The following ERBB4 variants were observed in gnomAD, a reference collection of about 807,000 sequenced individuals.
ERBB4 encodes the protein receptor tyrosine-protein kinase erbB-4.
Under a neutral mutation model 158.0 loss-of-function variants are expected in ERBB4, and 42 were observed. The observed-to-expected ratio is 0.27, with a 90% confidence interval of 0.21 to 0.34. ERBB4 has a LOEUF of 0.34. ERBB4 is among the 10% of genes least tolerant of loss of function. ERBB4 has a pLI of 1.00. For synonymous variants in ERBB4, 583 were observed against 558.7 expected (o/e 1.04, Z -0.61); for missense variants, 1,333 against 1,624.1 (o/e 0.82, Z 3.08).
At chr2:211,403,847 G>C (rs2063094342) in intron 25 of ERBB4, among the ~76,000 whole-genome samples, 1 of 152,124 alleles carries the variant, frequency 6.6e-6, no homozygotes, top group South Asian at 2.1e-4. Flanking sequence ...GCCAGGTATG[G>C]TTTTGAATAC....
In ERBB4 at chr2:212,384,920, T is replaced by TAC. The variant is rs547762352; in HGVS notation, c.82+153527_82+153528dup. 2.3e-3 allele frequency among the ~76,000 whole-genome samples: 288 copies of TAC among 123,716 alleles called. 2 individuals carry two copies. The highest frequency in any genetic ancestry group is 6.6e-3 in the Admixed American group (84 of 12,758). The allele number at this position is 123,716 out of a possible 152,430, so 81.2% of individuals were successfully genotyped here. A position where few individuals can be genotyped will look rare whatever the true frequency, so the allele number is the denominator to read the frequency against. ...ATATATATATATATATATATATATA[T>TAC]ACACACACACACACACTCACACACA... On this transcript the variant is annotated intron_variant, in intron 1 of 27. Transcript: ENST00000342788.
intron 1 of ERBB4, among the ~76,000 whole-genome samples, chr2:212,179,403 T>C (rs573657109): frequency 3.3e-5 from 5 of 149,836 alleles, no homozygotes; most frequent in East Asian, 2.0e-4. Context: ...TAGTAAAGAA[T>C]AGGCTATAGT....
rs1312600143 is a variant in ERBB4 at position 211,427,758 on chromosome 2, C to T, written c.2719+650G>A. On this transcript the variant is annotated intron_variant, in intron 22 of 27. Transcript: ENST00000342788. ...TTTTTGTTTGAATATTTATTGTATT[C>T]AGAGTTATGTTTTTGAAAGTTGCTT... 2.0e-5 allele frequency among the ~76,000 whole-genome samples: 3 copies of T among 151,382 alleles called. No individual in the cohort carries two copies. In the East Asian group the frequency reaches 5.8e-4, roughly 29 times the overall value.
chr2:212,500,568 G>A (rs1429210073), intron 1 of ERBB4, among the ~76,000 whole-genome samples: 1 of 151,880 alleles, frequency 6.6e-6, no homozygotes, highest in Non-Finnish European at 1.5e-5. Context: ...ATAAGGAACT[G>A]TATTCTAGGG....
At chr2:211,513,380 A>C (rs982775594) in intron 20 of ERBB4, among the ~76,000 whole-genome samples, 87 of 148,318 alleles carry the variant, frequency 5.9e-4, no homozygotes, top group Non-Finnish European at 4.3e-4. Context: ...AAAAAAACAA[A>C]AAAAAAACAC....
At position 211,837,211 on chromosome 2, in the gene ERBB4, A is replaced by C. The variant is rs150155438; in HGVS notation, c.422-49052T>G. On this transcript the variant is annotated intron_variant, in intron 3 of 27. Coordinates refer to ENST00000342788, the MANE Select transcript of ERBB4 (RefSeq NM_005235.3). The stretch of plus-strand genomic sequence containing the variant: ...AGGTTAATCCTAATCCAAATCTATG[A>C]TACTGAATCTGTTCGATTCACAGCT... Among the ~76,000 whole-genome samples, 375 of 152,238 alleles carry C rather than the reference A, an allele frequency of 2.5e-3. 4 individuals carry two copies. The Middle Eastern group carries it at 0.027, about 11-fold the overall frequency.
intron 1 of ERBB4, among the ~76,000 whole-genome samples, chr2:212,225,073 T>A (rs1252725694): frequency 6.6e-6 from 1 of 152,048 alleles, no homozygotes; most frequent in East Asian, 1.9e-4. Flanking sequence ...CATTTATATT[T>A]TGGGTTTCTT....
chr2:211,788,245 A>T, intron 3 of ERBB4, 86 bp from the exon 4 acceptor site: 3 of 968,214 alleles, frequency 3.1e-6, no homozygotes, highest in Non-Finnish European at 4.9e-6. Flanking sequence ...GCTCTTAACT[A>T]TTTTCAATGT....
At chr2:211,785,291 C>A (rs943075625) in intron 4 of ERBB4, among the ~76,000 whole-genome samples, 2 of 151,822 alleles carry the variant, frequency 1.3e-5, no homozygotes, top group Non-Finnish European at 2.9e-5. Context: ...TTAGTAGAGG[C>A]GGGGTTTCAC....
intron 2 of ERBB4, among the ~76,000 whole-genome samples, chr2:212,116,017 T>A (rs1461665069): frequency 6.6e-6 from 1 of 152,242 alleles, no homozygotes; most frequent in South Asian, 2.1e-4. Flanking sequence ...AAAAAACTTT[T>A]TGCAAACAGT....
intron 3 of ERBB4, among the ~76,000 whole-genome samples, chr2:211,901,715 G>A (rs762764718): frequency 6.6e-6 from 1 of 152,108 alleles, no homozygotes; most frequent in African/African-American, 2.4e-5. Flanking sequence ...GTTAGGACTT[G>A]TCAAGGAAAA....
intron 1 of ERBB4, among the ~76,000 whole-genome samples, chr2:212,181,284 C>T (rs2081853378): frequency 6.6e-6 from 1 of 151,558 alleles, no homozygotes; most frequent in East Asian, 1.9e-4. Flanking sequence ...CATCAAATAG[C>T]CATCACAGAG....
intron 1 of ERBB4, among the ~76,000 whole-genome samples, chr2:212,155,640 G>A (rs913833511): frequency 2.0e-4 from 31 of 151,960 alleles, no homozygotes; most frequent in African/African-American, 7.0e-4. Context: ...TCAGGGGTCC[G>A]TGAGCTTGAG....
At chr2:212,118,954 G>C (rs947747425) in intron 2 of ERBB4, among the ~76,000 whole-genome samples, 11 of 151,672 alleles carry the variant, frequency 7.3e-5, no homozygotes, top group Non-Finnish European at 1.3e-4. Context: ...ATCAATAATA[G>C]AGTATTAATG....
chr2:211,726,621 G>A, intron 5 of ERBB4, among the ~76,000 whole-genome samples: 1 of 152,136 alleles, frequency 6.6e-6, no homozygotes, highest in East Asian at 1.9e-4. Context: ...ATATTCCTCA[G>A]TACTTTCCCT....
At chr2:211,912,902 T>C (rs2079574184) in intron 3 of ERBB4, among the ~76,000 whole-genome samples, 1 of 152,204 alleles carries the variant, frequency 6.6e-6, no homozygotes, top group Non-Finnish European at 1.5e-5. Flanking sequence ...TTCATCTATA[T>C]AGCACAGCCA....
At chr2:211,694,561 C>CT (rs58556416) in intron 12 of ERBB4, among the ~76,000 whole-genome samples, 41,639 of 148,212 alleles carry the variant, frequency 0.28, 6,192 homozygotes, top group East Asian at 0.4. Context: ...TACTTGAATG[C>CT]TTTTTTTTTT....
intron 2 of ERBB4, among the ~76,000 whole-genome samples, chr2:212,118,207 T>C (rs1330076711): frequency 1.3e-5 from 2 of 152,156 alleles, no homozygotes; most frequent in Non-Finnish European, 2.9e-5. Flanking sequence ...ACGTAAATAT[T>C]TTAGAATTTC....
intron 1 of ERBB4, among the ~76,000 whole-genome samples, chr2:212,466,728 T>C (rs796702291): frequency 8.5e-5 from 13 of 152,258 alleles, no homozygotes; most frequent in African/African-American, 3.1e-4. Context: ...TTGGTACCAG[T>C]AGAGTGGGGC....
Sources: allele counts gnomAD v4.1 joint callset (sites outside exome capture counted in the v4.1 genomes callset), GRCh38; gene constraint gnomAD v4.1.1; transcripts MANE v1.5; gene names NCBI Gene and HGNC (gene_info 2026-07-23, HGNC 2026-07-21).